GPHN: variants seen among roughly 807,000 people sequenced by gnomAD.
GPHN encodes gephyrin.
GPHN carries 17 observed loss-of-function variants against 95.5 expected under a neutral mutation model. The observed-to-expected ratio is 0.18, with a 90% CI of 0.12 to 0.27. The LOEUF (loss-of-function observed/expected upper bound fraction) is 0.27, where lower values mean the gene tolerates loss of function less well. Ranked by LOEUF, GPHN falls within the 10% of genes least tolerant of loss-of-function variation. GPHN has a pLI of 1.00. For synonymous variants in GPHN, 320 were observed against 322.5 expected (o/e 0.99, Z 0.08); for missense variants, 660 against 978.1 (o/e 0.67, Z 4.34).
At chr14:66,930,308 CTAT>C (rs771031621) in intron 8 of GPHN, among the ~76,000 whole-genome samples, 6 of 151,496 alleles carry the variant, frequency 4.0e-5, no homozygotes, top group Non-Finnish European at 7.4e-5. Context: ...TTTTGTGGAA[CTAT>C]TGTTAGTTTT....
chr14:67,489,730 C>G, the GPHN span, among the ~76,000 whole-genome samples: 1 of 152,228 alleles, frequency 6.6e-6, no homozygotes, highest in Non-Finnish European at 1.5e-5. Context: ...GTGGCTCACG[C>G]CTGTAATCCC....
At chr14:66,723,986 TACACAC>T (rs371629259) in intron 2 of GPHN, among the ~76,000 whole-genome samples, 19 of 127,960 alleles carry the variant, frequency 1.5e-4, no homozygotes, top group South Asian at 2.3e-4. Context: ...CATGCATACA[TACACAC>T]ACACACACAC....
intron 2 of GPHN, among the ~76,000 whole-genome samples, chr14:66,683,600 A>G (rs190990727): frequency 2.4e-4 from 34 of 141,048 alleles, no homozygotes; most frequent in African/African-American, 8.9e-4. Context: ...ATTCAGGTAT[A>G]CTAGATGGTC....
the GPHN span, among the ~76,000 whole-genome samples, chr14:67,479,762 G>A: frequency 1.2e-4 from 19 of 152,290 alleles, no homozygotes; most frequent in South Asian, 8.3e-4. Flanking sequence ...TGTATTCACC[G>A]TATTCATACC....
At chr14:66,856,467 A>G (rs2062807755) in intron 4 of GPHN, among the ~76,000 whole-genome samples, 1 of 152,136 alleles carries the variant, frequency 6.6e-6, no homozygotes, top group Non-Finnish European at 1.5e-5. Context: ...GCAGAATTCT[A>G]CAACAGAGAG....
the GPHN span, among the ~76,000 whole-genome samples, chr14:67,422,821 C>T: frequency 6.6e-6 from 1 of 150,842 alleles, no homozygotes; most frequent in African/African-American, 2.5e-5. Flanking sequence ...CTAGGCTTTC[C>T]CCATCTTTTT....
the GPHN span, among the ~76,000 whole-genome samples, chr14:67,550,265 T>C: frequency 6.6e-6 from 1 of 152,182 alleles, no homozygotes; most frequent in Non-Finnish European, 1.5e-5. Context: ...CTCAGCTCAC[T>C]GCTACCTCTG....
chr14:66,679,764 A>G (rs564641050), intron 1 of GPHN, among the ~76,000 whole-genome samples: 1 of 152,306 alleles, frequency 6.6e-6, no homozygotes, highest in African/African-American at 2.4e-5. Flanking sequence ...TGTTTTTCAG[A>G]TATAAAATCA....
At chr14:67,436,165 T>A in the GPHN span, among the ~76,000 whole-genome samples, 2 of 152,178 alleles carry the variant, frequency 1.3e-5, no homozygotes, top group South Asian at 4.1e-4. Context: ...CTTGCCAGTA[T>A]CTGTGAATGT....
chr14:66,729,527 G>T (rs1293799629), intron 2 of GPHN, among the ~76,000 whole-genome samples: 3 of 152,134 alleles, frequency 2.0e-5, no homozygotes, highest in African/African-American at 7.2e-5. Flanking sequence ...GCCTGAGGTA[G>T]AGGGAATTTA....
the GPHN span, chr14:67,302,101 G>T: frequency 6.2e-7 from 1 of 1,602,874 alleles, no homozygotes; most frequent in South Asian, 1.1e-5. Flanking sequence ...TATAGAAAAG[G>T]CTCGTGATAT....
intron 1 of GPHN, among the ~76,000 whole-genome samples, chr14:66,586,550 G>A (rs190541920): frequency 3.3e-5 from 5 of 152,166 alleles, no homozygotes; most frequent in South Asian, 2.1e-4. Flanking sequence ...CATATTTAGT[G>A]CTTCCTTCAG....
chr14:67,620,811 A>G, the GPHN span: 1 of 1,386,534 alleles, frequency 7.2e-7, no homozygotes, highest in Admixed American at 1.7e-5. Context: ...TTTCAGAGGA[A>G]CCTGCTGGGA....
chr14:66,875,092 T>A (rs1355030115), intron 4 of GPHN, among the ~76,000 whole-genome samples: 2 of 152,096 alleles, frequency 1.3e-5, no homozygotes, highest in Non-Finnish European at 2.9e-5. Flanking sequence ...AGAGAGTGGG[T>A]GGCCAATATT....
At chr14:67,345,512 G>A in the GPHN span, among the ~76,000 whole-genome samples, 2 of 151,822 alleles carry the variant, frequency 1.3e-5, no homozygotes, top group Non-Finnish European at 2.9e-5. Context: ...CCGAGGTCGC[G>A]CCATTGCACT....
chr14:67,419,197 T>C, the GPHN span, among the ~76,000 whole-genome samples: 1 of 152,182 alleles, frequency 6.6e-6, no homozygotes, highest in Non-Finnish European at 1.5e-5. Context: ...GGCTAGGCTT[T>C]TGGTTTTGCT....
the GPHN span, among the ~76,000 whole-genome samples, chr14:67,663,605 C>T: frequency 3.8e-4 from 57 of 150,918 alleles, 1 homozygote; most frequent in Admixed American, 2.3e-3. Flanking sequence ...ACCCAGGAGG[C>T]GGAGCTTGCA....
At chr14:66,707,782 TA>T (rs1403284162) in intron 2 of GPHN, among the ~76,000 whole-genome samples, 2 of 121,776 alleles carry the variant, frequency 1.6e-5, no homozygotes, top group African/African-American at 1.0e-4. Flanking sequence ...TCCTAGAACT[TA>T]AAATAATGTA....
the GPHN span, chr14:67,340,612 T>C: frequency 9.2e-7 from 1 of 1,083,078 alleles, no homozygotes; most frequent in South Asian, 1.4e-5. Flanking sequence ...TTTTTCCTAA[T>C]TGTAAAATTA....
Sources: allele counts gnomAD v4.1 joint callset (sites outside exome capture counted in the v4.1 genomes callset), GRCh38; gene constraint gnomAD v4.1.1; transcripts MANE v1.5; gene names NCBI Gene and HGNC (gene_info 2026-07-23, HGNC 2026-07-21).